The following WWC2 variants were observed in gnomAD, a reference collection of about 807,000 sequenced individuals.
WWC2 encodes protein WWC2.
A neutral mutation model predicts 138.5 loss-of-function variants in WWC2; 101 were observed. The observed-to-expected ratio is 0.73, with a 90% CI of 0.62 to 0.86. The LOEUF (loss-of-function observed/expected upper bound fraction) is 0.86, where lower values mean the gene tolerates loss of function less well. Ranked by LOEUF, WWC2 falls within the 40% of genes least tolerant of loss-of-function variation. The pLI is 0.00. For missense variants in WWC2, 1,420 were observed against 1,419.4 expected (o/e 1.00, Z -0.01); for synonymous variants, 558 against 538.4 (o/e 1.04, Z -0.50).
At chr4:183,206,001 T>C (rs1735436295) in intron 2 of WWC2, among the ~76,000 whole-genome samples, 1 of 152,152 alleles carries the variant, frequency 6.6e-6, no homozygotes, top group Admixed American at 6.5e-5. Context: ...GTGCTTTGCT[T>C]TACAAATTCC....
At chr4:183,229,339 A>G (rs1736171956) in intron 4 of WWC2, among the ~76,000 whole-genome samples, 1 of 152,050 alleles carries the variant, frequency 6.6e-6, no homozygotes, top group Non-Finnish European at 1.5e-5. Context: ...AAAAGAGGAT[A>G]TTTGCATTGC....
intron 1 of WWC2, among the ~76,000 whole-genome samples, chr4:183,099,848 G>A (rs995849953): frequency 6.6e-6 from 1 of 150,884 alleles, no homozygotes; most frequent in East Asian, 2.0e-4. Context: ...CCGAGGCAAG[G>A]CTGGAGTCGC....
chr4:183,282,939 T>TA, intron 18 of WWC2, 33 bp downstream of exon 18: 1 of 1,534,058 alleles, frequency 6.5e-7, no homozygotes, highest in Non-Finnish European at 8.8e-7. Context: ...TTAAAACTGA[T>TA]ACCTTACAGG....
At chr4:183,219,108 T>G (rs1414892526) in intron 4 of WWC2, among the ~76,000 whole-genome samples, 1 of 152,148 alleles carries the variant, frequency 6.6e-6, no homozygotes, top group African/African-American at 2.4e-5. Context: ...CAAATATGAT[T>G]CATCTTATGT....
chr4:183,271,559 A>G (rs936626251), intron 16 of WWC2, among the ~76,000 whole-genome samples: 1 of 152,156 alleles, frequency 6.6e-6, no homozygotes, highest in Non-Finnish European at 1.5e-5. Flanking sequence ...TTAAATATAT[A>G]CTTTTCATGT....
At chr4:183,277,389 AT>A (rs1737896162) in intron 16 of WWC2, among the ~76,000 whole-genome samples, 1 of 151,226 alleles carries the variant, frequency 6.6e-6, no homozygotes, top group Non-Finnish European at 1.5e-5. Context: ...ATTTTTGGAC[AT>A]TTGGGTTGGT....
At chr4:183,254,478 T>A (rs1453956496) in intron 9 of WWC2, among the ~76,000 whole-genome samples, 2 of 152,160 alleles carry the variant, frequency 1.3e-5, no homozygotes, top group Non-Finnish European at 2.9e-5. Context: ...GTCAGTTGCA[T>A]CCCTCCCGTG....
rs566729518 is a variant in WWC2 at position 183,227,567 on chromosome 4, ATAAG to A, written c.523-12611_523-12608del. ...AGAAATAAAAAAAGAGATTGGAAAT[ATAAG>A]TAAGGAAGATACCATGAAAATTATC... On this transcript the variant is annotated intron_variant, in intron 4 of 22. Coordinates refer to ENST00000403733, the MANE Select transcript of WWC2 (RefSeq NM_024949.6). 8.5e-5 allele frequency among the ~76,000 whole-genome samples: 13 copies of A among 152,220 alleles called. No individual in the cohort carries two copies. In the South Asian group the frequency reaches 2.5e-3, roughly 29 times the overall value.
In WWC2 at chr4:183,206,664, T is replaced by C. The variant is rs569013347; in HGVS notation, c.242-1289T>C. Among the ~76,000 whole-genome samples the C allele has an allele frequency of 1.3e-4, 20 of 152,326 alleles. No homozygotes were observed. In the South Asian group the frequency reaches 4.1e-3, roughly 32 times the overall value. ...CTGTCCCATTCTCAACCCCTTCCTC[T>C]ACTGGCAAATGGCCACTCTCCTTTC... On this transcript the variant is annotated intron_variant, in intron 2 of 22. Coordinates refer to ENST00000403733, the MANE Select transcript of WWC2 (RefSeq NM_024949.6).
At position 183,284,314 on chromosome 4, in the gene WWC2, A is replaced by G; in HGVS notation, c.2972A>G (p.His991Arg). ...CGCAGCAGCCTGAGCTCTAGACAGC[A>G]TCCGTTTGTGAGGAGCAGTGTGATA... ...KERSSLSSRQ[H>R]PFVRSSVIVR... Residue 991 changes from histidine (H) to arginine (R), a missense_variant, in exon 19 of 23, where the codon CAT (histidine) becomes CGT (arginine). Physicochemically the swap from His to Arg is conservative, Grantham distance 29 (BLOSUM62 0). Transcript: ENST00000403733. 6.2e-7 allele frequency: 1 copy of G among 1,613,982 alleles called. No homozygotes were observed. Among genetic ancestry groups the G allele is most frequent in the South Asian group, 1.1e-5 (1 of 91,074 alleles).
intron 4 of WWC2, among the ~76,000 whole-genome samples, chr4:183,224,215 G>GT (rs1736006879): frequency 6.6e-6 from 1 of 152,088 alleles, no homozygotes; most frequent in South Asian, 2.1e-4. Flanking sequence ...ATGAGATCTA[G>GT]TTTTTTTGGG....
chr4:183,253,581 G>A (rs1195430227), intron 8 of WWC2, among the ~76,000 whole-genome samples, 176 bp from the exon 9 acceptor site: 1 of 152,108 alleles, frequency 6.6e-6, no homozygotes, highest in Non-Finnish European at 1.5e-5. Context: ...CCAGAGACTG[G>A]TGTGCAAGGC....
intron 1 of WWC2, among the ~76,000 whole-genome samples, chr4:183,100,259 C>T (rs1330010871): frequency 6.6e-6 from 1 of 152,240 alleles, no homozygotes; most frequent in Non-Finnish European, 1.5e-5. Context: ...AACCGACTCC[C>T]AGATCGGGAA....
chr4:183,141,938 A>T (rs1281697867), intron 1 of WWC2, among the ~76,000 whole-genome samples: 4 of 152,236 alleles, frequency 2.6e-5, no homozygotes, highest in Non-Finnish European at 5.9e-5. Context: ...CATGGCATAT[A>T]GACTATAGCA....
chr4:183,241,218 G>A (rs112619502), intron 5 of WWC2, among the ~76,000 whole-genome samples: 2,046 of 152,322 alleles, frequency 0.013, 22 homozygotes, highest in Non-Finnish European at 0.022. Context: ...AGCACCTCAG[G>A]AATGCCAAGC....
At chr4:183,314,254 C>G (rs1195111983) in intron 22 of WWC2, among the ~76,000 whole-genome samples, 1 of 152,170 alleles carries the variant, frequency 6.6e-6, no homozygotes, top group African/African-American at 2.4e-5. Context: ...TTTAGAACTG[C>G]AGGTGAGGGG....
At chr4:183,229,870 G>C (rs780412069) in intron 4 of WWC2, among the ~76,000 whole-genome samples, 41 of 152,028 alleles carry the variant, frequency 2.7e-4, no homozygotes, top group Non-Finnish European at 5.0e-4. Flanking sequence ...CTTTCGCCAA[G>C]GCTGGAGTGC....
chr4:183,146,063 C>G (rs1398779396), intron 1 of WWC2, among the ~76,000 whole-genome samples: 1 of 152,210 alleles, frequency 6.6e-6, no homozygotes, highest in Non-Finnish European at 1.5e-5. Flanking sequence ...TGAGTAACAG[C>G]TTTTGCTTAT....
At chr4:183,170,924 C>T (rs796573032) in intron 1 of WWC2, among the ~76,000 whole-genome samples, 28 of 151,956 alleles carry the variant, frequency 1.8e-4, no homozygotes, top group Admixed American at 1.3e-3. Context: ...AAGTGATCCT[C>T]CTGCCTCAGT....
Sources: gnomAD v4.1 joint callset for allele counts (sites outside exome capture counted in the v4.1 genomes callset) on GRCh38, gnomAD v4.1.1 for gene constraint, MANE v1.5 for transcripts, NCBI Gene and HGNC (gene_info 2026-07-23, HGNC 2026-07-21) for gene names.